Variants in DHX35 observed in about 807,000 individuals in gnomAD.
DHX35 encodes the protein DEAH-box helicase 35.
DHX35 carries 84 observed loss-of-function variants against 99.6 expected under a neutral mutation model. The ratio of observed to expected loss-of-function variants is 0.84; its 90% CI spans 0.71 to 1.01. DHX35 has a LOEUF of 1.01. Ranked by LOEUF, DHX35 falls within the 50% of genes least tolerant of loss-of-function variation. The pLI, the probability that DHX35 is intolerant of heterozygous loss-of-function variation, is 0.00. For missense variants in DHX35, 852 were observed against 888.5 expected (o/e 0.96, Z 0.52); for synonymous variants, 331 against 316.2 (o/e 1.05, Z -0.50).
chr20:38,997,795 C>T (rs1032257053), intron 8 of DHX35, among the ~76,000 whole-genome samples: 12 of 151,828 alleles, frequency 7.9e-5, no homozygotes, highest in Non-Finnish European at 1.2e-4. Flanking sequence ...TATAAGTGGG[C>T]GAAAGAGGGC....
rs772330674 is a variant in DHX35 at position 39,002,880 on chromosome 20, G to T, written c.852+12G>T. 2 of 1,606,944 alleles carry T rather than the reference G, an allele frequency of 1.2e-6. No homozygotes were observed. The highest frequency in any genetic ancestry group is 2.2e-5 in the South Asian group (2 of 90,888). ...TTCTTACTGGCCAGGTAATGCCACT[G>T]TACTTCTCTGATGAATAGACATGTT... On this transcript the variant is annotated intron_variant, in intron 10 of 21. Transcript: ENST00000252011.
chr20:38,999,130 G>A (rs529936760), intron 8 of DHX35, among the ~76,000 whole-genome samples: 1 of 152,194 alleles, frequency 6.6e-6, no homozygotes, highest in African/African-American at 2.4e-5. Flanking sequence ...TTACTTTTCA[G>A]TACCACATAG....
intron 13 of DHX35, among the ~76,000 whole-genome samples, chr20:39,011,294 C>G (rs749859638): frequency 7.3e-5 from 11 of 151,482 alleles, no homozygotes; most frequent in Non-Finnish European, 1.6e-4. Context: ...AACATATTCA[C>G]AGTAATCTAT....
intron 12 of DHX35, among the ~76,000 whole-genome samples, chr20:39,007,569 T>C (rs1271008261): frequency 2.6e-5 from 4 of 152,194 alleles, no homozygotes; most frequent in Non-Finnish European, 5.9e-5. Context: ...TTCTGGGGAT[T>C]TGGGGAGTAC....
intron 21 of DHX35, among the ~76,000 whole-genome samples, chr20:39,035,929 G>C (rs1056428384): frequency 6.6e-6 from 1 of 152,262 alleles, no homozygotes; most frequent in South Asian, 2.1e-4. Flanking sequence ...CTGGAAAGCA[G>C]ATCAGCCTGC....
In DHX35 at chr20:38,989,265, G is replaced by GTT. The variant is rs59991063; in HGVS notation, c.450+369_450+370dup. 5.4e-4 allele frequency among the ~76,000 whole-genome samples: 60 copies of GTT among 111,876 alleles called. 3 individuals are homozygous for GTT. Among genetic ancestry groups the GTT allele is most frequent in the African/African-American group, 9.3e-4 (26 of 27,864 alleles). 73.4% of individuals were successfully genotyped at this position (111,876 alleles called of 152,430 possible). A position where few individuals can be genotyped will look rare whatever the true frequency, so the allele number is the denominator to read the frequency against. ...GGCGACCGTCACCACACCCGGCTAAGTTTTTTTTTTTTTTTTTTTTTTGTA... is the reference window on the plus strand; with the variant it reads ...GGCGACCGTCACCACACCCGGCTAAGTTTTTTTTTTTTTTTTTTTTTTTTGTA... On this transcript the variant is annotated intron_variant, in intron 5 of 21. Coordinates refer to ENST00000252011, the MANE Select transcript of DHX35 (RefSeq NM_021931.4).
chr20:38,993,205 TGGGGAAAATAGTA>T (rs1568730685), intron 7 of DHX35, among the ~76,000 whole-genome samples: 1 of 152,196 alleles, frequency 6.6e-6, no homozygotes, highest in East Asian at 1.9e-4. Context: ...ATCTCTAAAA[TGGGGAAAATAGTA>T]GTCTCTATAT....
At chr20:39,032,045 A>G (rs1461400605) in intron 20 of DHX35, among the ~76,000 whole-genome samples, 5 of 152,232 alleles carry the variant, frequency 3.3e-5, no homozygotes, top group Admixed American at 2.6e-4. Flanking sequence ...CCAATTTAAT[A>G]ATAAAAATTG....
chr20:38,974,538 G>A (rs938918903), intron 3 of DHX35, among the ~76,000 whole-genome samples: 1 of 152,216 alleles, frequency 6.6e-6, no homozygotes. Context: ...GGAAATTAAT[G>A]TGTGTGTTTT....
At chr20:39,006,699 GT>G (rs1461824628) in intron 12 of DHX35, among the ~76,000 whole-genome samples, 1 of 152,160 alleles carries the variant, frequency 6.6e-6, no homozygotes, top group East Asian at 1.9e-4. Flanking sequence ...TTAATGTGCT[GT>G]TTTTGTATTC....
Position 39,039,185 on chromosome 20 carries a change from T to G in DHX35, c.*642T>G, listed in dbSNP as rs1311979066. ...GACAGAGAGGACTCGTGCGCTGTTT[T>G]GTGTTAGCAGAGGATTTGTGTTTCA... On this transcript the variant is annotated 3_prime_UTR_variant, in exon 22 of 22. Transcript: ENST00000252011. 2.6e-5 allele frequency: 4 copies of G among 153,058 alleles called. No homozygotes were observed. The highest frequency in any genetic ancestry group is 4.8e-5 in the African/African-American group (2 of 41,442). 9.5% of individuals were successfully genotyped at this position (153,058 alleles called of 1,614,324 possible).
chr20:39,035,765 C>T (rs1220685589), intron 21 of DHX35, among the ~76,000 whole-genome samples: 1 of 152,186 alleles, frequency 6.6e-6, no homozygotes, highest in Non-Finnish European at 1.5e-5. Context: ...ATTTGTGACC[C>T]TGTAAATGGA....
intron 4 of DHX35, among the ~76,000 whole-genome samples, chr20:38,988,316 T>C (rs1480431425): frequency 1.3e-5 from 2 of 152,206 alleles, no homozygotes; most frequent in African/African-American, 2.4e-5. Context: ...AAGACCATTA[T>C]AGAATGAAGT....
intron 20 of DHX35, among the ~76,000 whole-genome samples, chr20:39,032,808 G>T (rs2087077906): frequency 6.6e-6 from 1 of 152,138 alleles, no homozygotes; most frequent in African/African-American, 2.4e-5. Flanking sequence ...TTTGAGTTCT[G>T]TTTCCCTAGA....
Position 38,983,729 on chromosome 20 carries a change from G to T in DHX35, c.298G>T (p.Gly100Ter). 1 of 1,614,136 alleles carries T rather than the reference G, an allele frequency of 6.2e-7. No individual in the cohort carries two copies. Among genetic ancestry groups the T allele is most frequent in the Non-Finnish European group, 8.5e-7 (1 of 1,180,000 alleles). Residue 100 changes from glycine to a stop codon, truncating the protein, a stop_gained, in exon 4 of 22, where the codon GGA becomes TGA. Transcript: ENST00000252011. LOFTEE classifies it high-confidence loss of function. Reference protein sequence around the residue: ...YLAEAGWTAEGRVVGVTQPRR... With the variant: ...YLAEAGWTAE ...TGCAGAAGCCGGCTGGACAGCTGAA[G>T]GAAGAGTGGTAGGAGTGACCCAGCC...
At chr20:38,972,098 C>A (rs568214092) in intron 2 of DHX35, among the ~76,000 whole-genome samples, 1 of 151,130 alleles carries the variant, frequency 6.6e-6, no homozygotes, top group Non-Finnish European at 1.5e-5. Context: ...AGCCTCCCCC[C>A]GCCTGGGTTC....
intron 8 of DHX35, among the ~76,000 whole-genome samples, chr20:38,995,943 C>G (rs1601402893): frequency 6.6e-6 from 1 of 152,174 alleles, no homozygotes; most frequent in Non-Finnish European, 1.5e-5. Context: ...GGGTGAATTA[C>G]CCTTGAACTC....
At chr20:39,033,497 T>C (rs1427918062) in intron 20 of DHX35, among the ~76,000 whole-genome samples, 6 of 152,132 alleles carry the variant, frequency 3.9e-5, no homozygotes, top group Non-Finnish European at 8.8e-5. Context: ...TTCTTTTTCC[T>C]TTGATCAGCT....
rs957975209 is a variant in DHX35 at position 39,031,656 on chromosome 20, T to C, written c.1955+881T>C. ...CCGGCCCCAGCCCACAGTTTTGACA[T>C]AGGGACAGACACAGAGTCAACTACC... On this transcript the variant is annotated intron_variant, in intron 20 of 21. Coordinates refer to ENST00000252011, the MANE Select transcript of DHX35 (RefSeq NM_021931.4). 2.6e-5 allele frequency among the ~76,000 whole-genome samples: 4 copies of C among 152,198 alleles called. No individual in the cohort carries two copies. The South Asian group carries it at 6.2e-4, about 24-fold the overall frequency.
Sources: gnomAD v4.1 joint callset for allele counts (sites outside exome capture counted in the v4.1 genomes callset) on GRCh38, gnomAD v4.1.1 for gene constraint, MANE v1.5 for transcripts, NCBI Gene and HGNC (gene_info 2026-07-23, HGNC 2026-07-21) for gene names.